COG1: variants seen among roughly 807,000 people sequenced by gnomAD.
COG1 encodes component of oligomeric golgi complex 1.
COG1 carries 61 observed loss-of-function variants against 102.2 expected under a neutral mutation model. That is an observed-to-expected ratio of 0.60 (90% CI 0.49 to 0.74). The LOEUF (loss-of-function observed/expected upper bound fraction) is 0.74, where lower values mean the gene tolerates loss of function less well. COG1 is among the 30% of genes least tolerant of loss of function. The pLI, the probability that COG1 is intolerant of heterozygous loss-of-function variation, is 0.00. For missense variants in COG1, 1,164 were observed against 1,232.1 expected (o/e 0.94, Z 0.83); for synonymous variants, 454 against 493.6 (o/e 0.92, Z 1.06).
intron 4 of COG1, among the ~76,000 whole-genome samples, chr17:73,199,178 C>T (rs1301389249): frequency 1.3e-5 from 2 of 152,178 alleles, no homozygotes; most frequent in African/African-American, 4.8e-5. Context: ...CCCTTCTTGA[C>T]AGGTCACCTC....
chr17:73,200,196 C>T (rs569472212), intron 5 of COG1, among the ~76,000 whole-genome samples, 175 bp downstream of exon 5: 1 of 152,340 alleles, frequency 6.6e-6, no homozygotes, highest in East Asian at 1.9e-4. Context: ...CATTCAGCAC[C>T]CGCTGTGGGA....
At chr17:73,204,256 G>GT (rs768283903) in intron 9 of COG1, among the ~76,000 whole-genome samples, 85 of 152,340 alleles carry the variant, frequency 5.6e-4, no homozygotes, top group Non-Finnish European at 1.1e-3. Context: ...GCTGCCACTG[G>GT]TTCACTGGGG....
intron 8 of COG1, 191 bp downstream of exon 8, chr17:73,203,337 C>A (rs1369241501): frequency 1.3e-6 from 1 of 798,896 alleles, no homozygotes. Context: ...GTTAACCATT[C>A]TTTCCTTTTG....
At chr17:73,205,389 C>T in intron 9 of COG1, 164 bp from the exon 10 acceptor site, 1 of 749,698 alleles carries the variant, frequency 1.3e-6, no homozygotes. Flanking sequence ...AAGTTTCTAA[C>T]AAAATTTGTT....
intron 10 of COG1, 89 bp from the exon 11 acceptor site, chr17:73,206,065 A>G (rs2061370107): frequency 1.2e-5 from 13 of 1,103,650 alleles, no homozygotes; most frequent in Middle Eastern, 1.9e-4. Flanking sequence ...ATAAAACCCA[A>G]CTCCAAGATT....
In COG1 at chr17:73,193,303, C is replaced by A. The variant is rs1363284193; in HGVS notation, c.234C>A (p.Asp78Glu). Reference sequence around the variant, plus strand: ...GCCGCTGCGCCGTGGGGCTAGTGGACGCCGTGAAGGCCACCGACCAGTACT... The same window carrying A: ...GCCGCTGCGCCGTGGGGCTAGTGGAAGCCGTGAAGGCCACCGACCAGTACT... ...QMRRCAVGLV[D>E]AVKATDQYCA... The change falls in exon 1 of 14, where the codon GAC (aspartate) becomes GAA (glutamate). Residue 78 changes from aspartate to glutamate, a missense_variant. Physicochemically the swap from Asp to Glu is conservative, Grantham distance 45. Coordinates refer to ENST00000299886, the MANE Select transcript of COG1 (RefSeq NM_018714.3). The A allele has an allele frequency of 1.9e-6, 3 of 1,589,116 alleles. No homozygotes were observed. The highest frequency in any genetic ancestry group is 2.6e-6 in the Non-Finnish European group (3 of 1,170,278).
chr17:73,194,746 G>A (rs2061319009), intron 1 of COG1, among the ~76,000 whole-genome samples: 1 of 152,162 alleles, frequency 6.6e-6, no homozygotes, highest in Admixed American at 6.5e-5. Context: ...TTACAGGCGC[G>A]AGAGCCACCG....
rs1185687181 is a variant in COG1, at chr17:73,201,895, G to C, written c.2068G>C (p.Val690Leu). Residue 690 changes from valine to leucine, a missense_variant, in exon 7 of 14, where the codon GTG becomes CTG. By Grantham distance (32) the Val-to-Leu change is conservative. Transcript: ENST00000299886. ...CTACCAGGTCTGGAGCAGTGCAGTT[G>C]TGAAAGTGAGTGATGTAATTTCTTA... Reference protein sequence around the residue: ...MGYQVWSSAVVKVLIHGFTQS... With the variant: ...MGYQVWSSAVLKVLIHGFTQS... 1 of 1,613,912 alleles carries C rather than the reference G, an allele frequency of 6.2e-7. No homozygotes were observed. Among genetic ancestry groups the C allele is most frequent in the Non-Finnish European group, 8.5e-7 (1 of 1,179,892 alleles).
At chr17:73,195,488 C>G (rs149497191) in intron 1 of COG1, among the ~76,000 whole-genome samples, 2 of 152,128 alleles carry the variant, frequency 1.3e-5, no homozygotes, top group Non-Finnish European at 2.9e-5. Context: ...GTGGCACATG[C>G]CTGTGGTCCC....
At position 73,197,082 on chromosome 17, in the gene COG1, G is replaced by A. The variant is rs1489929631; in HGVS notation, c.742+1G>A. On this transcript the variant is annotated splice_donor_variant, in intron 3 of 13. Coordinates refer to ENST00000299886, the MANE Select transcript of COG1 (RefSeq NM_018714.3). LOFTEE classifies it high-confidence loss of function. ...AAACTTCTCAACCAGCCACACCATG[G>A]TGGGTGTGGCTTCTGGCCAACATTT... 3 of 1,613,968 alleles carry A rather than the reference G, an allele frequency of 1.9e-6. No homozygotes were observed. The highest frequency in any genetic ancestry group is 2.5e-6 in the Non-Finnish European group (3 of 1,179,960).
In COG1 at chr17:73,193,112, C is replaced by G. The variant is rs767454152; in HGVS notation, c.43C>G (p.Leu15Val). ...ATSPALKRLD[L>V]RDPAALFETH... is the part of the protein sequence containing the mutation. ...CTCACCCGCGCTGAAGCGGCTGGAT[C>G]TGCGCGACCCTGCGGCTCTTTTCGA... The change falls in exon 1 of 14, where the codon CTG (leucine) becomes GTG (valine). Residue 15 changes from leucine to valine, a missense_variant. Transcript: ENST00000299886. 4.3e-6 allele frequency: 7 copies of G among 1,611,688 alleles called. No individual in the cohort carries two copies. Among genetic ancestry groups the G allele is most frequent in the Non-Finnish European group, 5.9e-6 (7 of 1,179,544 alleles).
At chr17:73,193,513 A>C (rs954471616) in intron 1 of COG1, 129 bp downstream of exon 1, 2 of 885,294 alleles carry the variant, frequency 2.3e-6, no homozygotes, top group African/African-American at 1.8e-5. Context: ...CCAGGAGCCT[A>C]TCCGCCCCTC....
intron 1 of COG1, among the ~76,000 whole-genome samples, chr17:73,195,537 C>T (rs1207068642): frequency 6.6e-6 from 1 of 151,596 alleles, no homozygotes; most frequent in Non-Finnish European, 1.5e-5. Context: ...TCTCTTGAGC[C>T]CAAGAGGTCA....
At position 73,197,532 on chromosome 17, in the gene COG1, C is replaced by T. The variant is rs1000000100; in HGVS notation, c.913+136C>T. ...GGACAAATAGAGGCCCTTCCTTCAT[C>T]GAGGCCACAGTTGAGTGGTAGAAGC... is the stretch of plus-strand genomic sequence containing the variant. On this transcript the variant is annotated intron_variant, in intron 4 of 13. Coordinates refer to ENST00000299886, the MANE Select transcript of COG1 (RefSeq NM_018714.3). The T allele has an allele frequency of 9.0e-6, 8 of 890,990 alleles. 1 individual carries two copies. Among genetic ancestry groups the T allele is most frequent in the South Asian group, 5.7e-5 (4 of 70,482 alleles). 55.2% of individuals were successfully genotyped at this position (890,990 alleles called of 1,614,324 possible).
intron 9 of COG1, 122 bp from the exon 10 acceptor site, chr17:73,205,431 G>T: frequency 9.9e-7 from 1 of 1,006,250 alleles, no homozygotes; most frequent in South Asian, 1.3e-5. Flanking sequence ...GGCCATATGA[G>T]CATTAAAACC....
Position 73,201,843 on chromosome 17 carries a change from A to G in COG1, c.2016A>G (p.Glu672=), listed in dbSNP as rs1311977697. ...PTQAKWQEVK[E]VLLQQSVMGY... ...AGGCCAAGTGGCAAGAGGTTAAAGA[A>G]GTACTCCTCCAGCAGAGCGTGATGG... Residue 672 remains glutamate, a synonymous_variant, in exon 7 of 14, where the codon GAA becomes GAG. Transcript: ENST00000299886. 11 of 1,614,086 alleles carry G rather than the reference A, an allele frequency of 6.8e-6. No homozygotes were observed. Among genetic ancestry groups the G allele is most frequent in the African/African-American group, 1.3e-5 (1 of 74,932 alleles).
At chr17:73,198,113 G>C (rs2061332681) in intron 4 of COG1, among the ~76,000 whole-genome samples, 1 of 152,224 alleles carries the variant, frequency 6.6e-6, no homozygotes, top group Non-Finnish European at 1.5e-5. Context: ...GCTCACTTAG[G>C]AGGCTGTTGC....
rs1208300873 is a variant in COG1, at chr17:73,199,971, T to C, written c.1020T>C (p.His340=). ...AGCCAACACTCCGAACCCTTGCACATCCCATCAGTCAGGAATACCTGAAAG... is the reference window on the plus strand; with the variant it reads ...AGCCAACACTCCGAACCCTTGCACACCCCATCAGTCAGGAATACCTGAAAG... The part of the protein sequence containing the change: ...EFQPTLRTLA[H]PISQEYLKDT... Residue 340 remains histidine, a synonymous_variant, in exon 5 of 14, where the codon CAT becomes CAC. Transcript: ENST00000299886. The C allele has an allele frequency of 5.0e-6, 8 of 1,614,036 alleles. No homozygotes were observed.
Position 73,208,301 on chromosome 17 carries a change from C to A in COG1, c.2806-13C>A. 6.2e-7 allele frequency: 1 copy of A among 1,613,068 alleles called. No individual in the cohort carries two copies. The highest frequency in any genetic ancestry group is 2.0e-4 in the Middle Eastern group (1 of 5,120). On this transcript the variant is annotated splice_polypyrimidine_tract_variant and intron_variant, in intron 13 of 13. Transcript: ENST00000299886. Reference sequence around the variant, plus strand: ...GCCAACTCTAAGGCACTTTTCTCTACATCCAATGGCAGGTTGTCCCCCCGG... The same window carrying A: ...GCCAACTCTAAGGCACTTTTCTCTAAATCCAATGGCAGGTTGTCCCCCCGG...
Sources: gnomAD v4.1 joint callset for allele counts (sites outside exome capture counted in the v4.1 genomes callset) on GRCh38, gnomAD v4.1.1 for gene constraint, MANE v1.5 for transcripts, NCBI Gene and HGNC (gene_info 2026-07-23, HGNC 2026-07-21) for gene names.